CLIC5: variants seen among roughly 807,000 people sequenced by gnomAD.
CLIC5 encodes chloride intracellular channel protein 5.
A neutral mutation model predicts 24.7 loss-of-function variants in CLIC5; 20 were observed. The observed-to-expected ratio is 0.81, with a 90% confidence interval of 0.57 to 1.18. The LOEUF is 1.18. Among genes scored for constraint, CLIC5 ranks in the 50% most tolerant of loss-of-function variants. The pLI, the probability that CLIC5 is intolerant of heterozygous loss-of-function variation, is 0.00. For missense variants in CLIC5, 341 were observed against 326.1 expected (o/e 1.05, Z -0.35); for synonymous variants, 159 against 135.6 (o/e 1.17, Z -1.20).
chr6:46,015,623 C>G lies in CLIC5; in HGVS notation c.-81G>C. ...CCTGGGCCAGCACTCTGCGCTCCTG[C>G]CGCTGCCCAGCGGGGCTCCTCTTCA... On this transcript the variant is annotated 5_prime_UTR_variant, in exon 1 of 6. Coordinates refer to ENST00000339561, the MANE Select transcript of CLIC5 (RefSeq NM_016929.5). 7.1e-7 allele frequency: 1 copy of G among 1,408,474 alleles called. No homozygotes were observed. The highest frequency in any genetic ancestry group is 1.5e-5 in the South Asian group (1 of 66,298). 87.2% of individuals were successfully genotyped at this position (1,408,474 alleles called of 1,614,324 possible).
chr6:46,025,395 T>C (rs192351787), intron 1 of CLIC5, among the ~76,000 whole-genome samples: 1 of 152,322 alleles, frequency 6.6e-6, no homozygotes, highest in African/African-American at 2.4e-5. Context: ...GGAGCTACTA[T>C]TGTTACCTCA....
intron 4 of CLIC5, among the ~76,000 whole-genome samples, chr6:45,940,166 A>G (rs1015896597): frequency 6.6e-6 from 1 of 152,026 alleles, no homozygotes; most frequent in Admixed American, 6.6e-5. Context: ...TTCCTTCTTA[A>G]TCTTTATGAC....
At chr6:45,937,805 T>C (rs1463183138) in intron 4 of CLIC5, among the ~76,000 whole-genome samples, 1 of 152,216 alleles carries the variant, frequency 6.6e-6, no homozygotes, top group African/African-American at 2.4e-5. Flanking sequence ...GTCTCGGTTG[T>C]GGTAGCTGGG....
intron 1 of CLIC5, among the ~76,000 whole-genome samples, chr6:46,071,515 A>C (rs1762596988): frequency 1.3e-5 from 2 of 152,288 alleles, no homozygotes; most frequent in African/African-American, 2.4e-5. Context: ...GAGAAATACA[A>C]ATCAAAATCA....
chr6:46,006,041 T>C (rs1370690802), intron 1 of CLIC5, among the ~76,000 whole-genome samples: 2 of 139,004 alleles, frequency 1.4e-5, no homozygotes, highest in African/African-American at 5.5e-5. Flanking sequence ...TATATATACA[T>C]GTATAAATAT....
At chr6:46,085,305 C>T (rs1763009022), upstream of CLIC5, among the ~76,000 whole-genome samples, 1 of 152,186 alleles carries the variant, frequency 6.6e-6, no homozygotes. Context: ...AGCTTTTTTC[C>T]ATTGCTGCTG....
At chr6:46,003,552 G>A (rs1766436209) in intron 1 of CLIC5, among the ~76,000 whole-genome samples, 1 of 152,140 alleles carries the variant, frequency 6.6e-6, no homozygotes, top group African/African-American at 2.4e-5. Context: ...TATACCTTGG[G>A]GTGACCTGAG....
chr6:45,904,592 G>C (rs899380219), intron 5 of CLIC5, among the ~76,000 whole-genome samples: 1 of 58,342 alleles, frequency 1.7e-5, no homozygotes, highest in Non-Finnish European at 3.3e-5. Flanking sequence ...GGCTAGGGTA[G>C]GGGTAACAGG....
chr6:45,967,981 A>C (rs992891582), intron 1 of CLIC5, among the ~76,000 whole-genome samples: 1 of 152,180 alleles, frequency 6.6e-6, no homozygotes, highest in East Asian at 1.9e-4. Flanking sequence ...TTTGGCGGGG[A>C]CACACATTCA....
chr6:45,990,943 C>G (rs1024661319), intron 1 of CLIC5, among the ~76,000 whole-genome samples: 5 of 152,112 alleles, frequency 3.3e-5, no homozygotes, highest in African/African-American at 1.2e-4. Context: ...GTGAAATAGA[C>G]CCATATCAAG....
At chr6:45,956,892 C>A (rs571357398) in intron 1 of CLIC5, among the ~76,000 whole-genome samples, 3 of 152,134 alleles carry the variant, frequency 2.0e-5, no homozygotes, top group Admixed American at 1.3e-4. Context: ...CACCTTCCCA[C>A]GGAGGTAAAG....
chr6:46,031,903 T>C (rs1029847021), intron 1 of CLIC5, among the ~76,000 whole-genome samples: 15 of 146,680 alleles, frequency 1.0e-4, no homozygotes, highest in Admixed American at 4.9e-4. Context: ...CATATATATA[T>C]ACAACATATA....
intron 3 of CLIC5, 118 bp downstream of exon 3, chr6:45,949,138 T>C: frequency 1.5e-6 from 2 of 1,343,246 alleles, no homozygotes; most frequent in Non-Finnish European, 2.0e-6. Context: ...AAGGGTCCTG[T>C]TCTCTGGACT....
the CLIC5 span, among the ~76,000 whole-genome samples, chr6:46,112,744 G>A: frequency 6.6e-6 from 1 of 152,140 alleles, no homozygotes. Context: ...AGCTTATCAA[G>A]GTCTCTGAGA....
chr6:45,974,590 T>C, intron 1 of CLIC5, among the ~76,000 whole-genome samples: 1 of 116,448 alleles, frequency 8.6e-6, no homozygotes, highest in East Asian at 2.8e-4. Context: ...GGGCATGCCA[T>C]AGAGAGGAGT....
In CLIC5 at chr6:45,899,265, A is replaced by G. The variant is rs1762449540; in HGVS notation, c.*3823T>C. 2 of 152,200 alleles carry G rather than the reference A, an allele frequency of 1.3e-5. No individual in the cohort carries two copies. The highest frequency in any genetic ancestry group is 4.8e-5 in the African/African-American group (2 of 41,450). The allele number at this position is 152,200 out of a possible 1,614,324, so 9.4% of individuals were successfully genotyped here. The stretch of plus-strand genomic sequence containing the variant: ...CATGTCTTTCTCTGATGCTTTCTTA[A>G]GATTCTCCTTAATGTCATTTAAAAA... On this transcript the variant is annotated 3_prime_UTR_variant, in exon 6 of 6. Coordinates refer to ENST00000339561, the MANE Select transcript of CLIC5 (RefSeq NM_016929.5).
intron 5 of CLIC5, among the ~76,000 whole-genome samples, chr6:45,904,049 A>G (rs1340188876): frequency 1.3e-5 from 2 of 152,202 alleles, no homozygotes; most frequent in Non-Finnish European, 2.9e-5. Flanking sequence ...AGTGGTATTT[A>G]TGTTGAGAGA....
chr6:45,954,288 A>G lies in CLIC5; in HGVS notation c.173+847T>C, dbSNP rs545889814. Among the ~76,000 whole-genome samples, 273 of 151,706 alleles carry G rather than the reference A, an allele frequency of 1.8e-3. 1 individual carries two copies. The highest frequency in any genetic ancestry group is 6.8e-3 in the Middle Eastern group (2 of 292). On this transcript the variant is annotated intron_variant, in intron 2 of 5. Transcript: ENST00000339561. ...ACTCTGTCTCAAAAAAAAAAAAAAA[A>G]AAAGAAAGAAAAGAAAATAGAAGAA...
intron 5 of CLIC5, chr6:45,911,912 C>A (rs1762834825): frequency 4.1e-6 from 4 of 985,268 alleles, no homozygotes; most frequent in Non-Finnish European, 4.8e-6. Flanking sequence ...TAGGAGGGGG[C>A]CAGACAATGA....
Sources: allele counts gnomAD v4.1 joint callset (sites outside exome capture counted in the v4.1 genomes callset), GRCh38; gene constraint gnomAD v4.1.1; transcripts MANE v1.5; gene names NCBI Gene and HGNC (gene_info 2026-07-23, HGNC 2026-07-21).